The following DHRS3 variants were observed in gnomAD, a reference collection of about 807,000 sequenced individuals.
DHRS3 encodes the protein short-chain dehydrogenase/reductase 3.
In DHRS3, 14 loss-of-function variants were observed where a neutral mutation model predicts 27.2. That is an observed-to-expected ratio of 0.52 (90% CI 0.34 to 0.81). DHRS3 has a LOEUF of 0.81. Ranked by LOEUF, DHRS3 falls within the 30% of genes least tolerant of loss-of-function variation. The probability of loss-of-function intolerance (pLI) is 0.01; values close to 1 mark genes in which losing one functional copy is unlikely to be tolerated. For synonymous variants in DHRS3, 165 were observed against 175.9 expected (o/e 0.94, Z 0.49); for missense variants, 322 against 406.2 (o/e 0.79, Z 1.78).
In DHRS3 at chr1:12,593,155, C is replaced by T. The variant is rs1646760285; in HGVS notation, c.196-12489G>A. ...CCTGCTTATGACTACTGATGGCTGC[C>T]CATCTCACAGACTGGAATCTAGTGT... On this transcript the variant is annotated intron_variant, in intron 1 of 5. Coordinates refer to ENST00000616661, the MANE Select transcript of DHRS3 (RefSeq NM_004753.7). This position sits in a 1 kb window ranked among gnomAD's most constrained non-coding sequence, Gnocchi z 4.6. Among the ~76,000 whole-genome samples the T allele has an allele frequency of 6.6e-6, 1 of 152,176 alleles. No individual in the cohort carries two copies. The highest frequency in any genetic ancestry group is 2.1e-4 in the South Asian group (1 of 4,828).
At chr1:12,582,229 C>T (rs1646650707) in intron 1 of DHRS3, among the ~76,000 whole-genome samples, 1 of 152,188 alleles carries the variant, frequency 6.6e-6, no homozygotes, top group Non-Finnish European at 1.5e-5. Flanking sequence ...AATCTCAAGA[C>T]TGTCACTTAA....
intron 1 of DHRS3, among the ~76,000 whole-genome samples, chr1:12,607,555 T>A (rs557976339): frequency 3.3e-5 from 5 of 152,368 alleles, no homozygotes; most frequent in Admixed American, 1.3e-4. Context: ...TGATGGTAAG[T>A]TTCCTGAGGC....
At position 12,593,374 on chromosome 1, in the gene DHRS3, A is replaced by G. The variant is rs539520234; in HGVS notation, c.196-12708T>C. Among the ~76,000 whole-genome samples, 11 of 151,970 alleles carry G rather than the reference A, an allele frequency of 7.2e-5. No individual in the cohort carries two copies. Among genetic ancestry groups the G allele is most frequent in the African/African-American group, 2.7e-4 (11 of 41,422 alleles). ...TTCTTTTTAAAAAATTATTATGATT[A>G]TTATTATTTGTAGAGACGGGGGTAT... On this transcript the variant is annotated intron_variant, in intron 1 of 5. Transcript: ENST00000616661. This position sits in a 1 kb window ranked among gnomAD's most constrained non-coding sequence, Gnocchi z 4.6.
At chr1:12,616,702 G>C in intron 1 of DHRS3, 2 of 1,006,682 alleles carry the variant, frequency 2.0e-6, no homozygotes, top group Non-Finnish European at 2.4e-6. Context: ...AGCCGCCCAG[G>C]TTGGGGCTGG....
At chr1:12,582,679 C>G (rs955847661) in intron 1 of DHRS3, among the ~76,000 whole-genome samples, 4 of 152,076 alleles carry the variant, frequency 2.6e-5, no homozygotes, top group Non-Finnish European at 5.9e-5. Flanking sequence ...CCCCGCCTTG[C>G]CTTGCAGCCA....
intron 1 of DHRS3, among the ~76,000 whole-genome samples, chr1:12,598,419 T>A (rs541900351): frequency 2.0e-5 from 3 of 152,316 alleles, no homozygotes; most frequent in African/African-American, 7.2e-5. Flanking sequence ...GTACTCATCA[T>A]AATTAGCATT....
rs76150369 is a variant in DHRS3 at position 12,592,228 on chromosome 1, C to G, written c.196-11562G>C. Among the ~76,000 whole-genome samples the G allele has an allele frequency of 6.6e-6, 1 of 152,140 alleles. No homozygotes were observed. The highest frequency in any genetic ancestry group is 2.4e-5 in the African/African-American group (1 of 41,420). On this transcript the variant is annotated intron_variant, in intron 1 of 5. Transcript: ENST00000616661. The surrounding 1 kb of genome is among the most constrained non-coding windows in gnomAD (Gnocchi z 4.2). ...CTTAGACTGAATCCTCTCGGCTGCC[C>G]GGATGTGGTACAGTCGGCTGATTAG...
rs1646751023 is a variant in DHRS3 at position 12,592,033 on chromosome 1, G to T, written c.196-11367C>A. Among the ~76,000 whole-genome samples the T allele has an allele frequency of 6.6e-6, 1 of 152,210 alleles. No homozygotes were observed. Among genetic ancestry groups the T allele is most frequent in the Admixed American group, 6.5e-5 (1 of 15,282 alleles). ...CAGGTGAGGACAGAAGCTGTTCTGA[G>T]CATGGGTCAGCACAGTGCCCAGGGC... On this transcript the variant is annotated intron_variant, in intron 1 of 5. Transcript: ENST00000616661. This position sits in a 1 kb window ranked among gnomAD's most constrained non-coding sequence, Gnocchi z 4.2.
chr1:12,586,651 G>A lies in DHRS3; in HGVS notation c.196-5985C>T, dbSNP rs1646699254. On this transcript the variant is annotated intron_variant, in intron 1 of 5. Transcript: ENST00000616661. The surrounding 1 kb of genome is among the most constrained non-coding windows in gnomAD (Gnocchi z 5.0). The stretch of plus-strand genomic sequence containing the variant: ...TAAACAAGAAAACCTCATTTGCATC[G>A]GGGAATTGACAAGGTAGCCATATCA... Among the ~76,000 whole-genome samples, 1 of 152,172 alleles carries A rather than the reference G, an allele frequency of 6.6e-6. No homozygotes were observed. Among genetic ancestry groups the A allele is most frequent in the Non-Finnish European group, 1.5e-5 (1 of 68,040 alleles).
chr1:12,571,700 T>G (rs1009524288), intron 5 of DHRS3, among the ~76,000 whole-genome samples: 191 of 152,006 alleles, frequency 1.3e-3, no homozygotes, highest in Non-Finnish European at 5.2e-4. Context: ...CCAGCTAATT[T>G]TTTTTGTATT....
At chr1:12,607,779 C>T (rs974791085) in intron 1 of DHRS3, among the ~76,000 whole-genome samples, 8 of 152,100 alleles carry the variant, frequency 5.3e-5, no homozygotes, top group Non-Finnish European at 8.8e-5. Context: ...CTGGTATCAT[C>T]GCTTACAAAA....
intron 5 of DHRS3, among the ~76,000 whole-genome samples, chr1:12,568,700 C>G (rs979504701): frequency 6.6e-6 from 1 of 151,848 alleles, no homozygotes; most frequent in East Asian, 1.9e-4. Context: ...CCGAGATGGG[C>G]GGATCGCTTG....
At chr1:12,571,386 T>A (rs1646535137) in intron 5 of DHRS3, among the ~76,000 whole-genome samples, 1 of 152,168 alleles carries the variant, frequency 6.6e-6, no homozygotes. Context: ...GCCCTTGGCA[T>A]CAAGATCCCC....
chr1:12,610,917 A>T (rs918374485), intron 1 of DHRS3, among the ~76,000 whole-genome samples: 5 of 152,070 alleles, frequency 3.3e-5, no homozygotes, highest in African/African-American at 1.2e-4. Context: ...AGGGTGTGGG[A>T]CCCATCCCGC....
chr1:12,596,948 G>A (rs193031778), intron 1 of DHRS3, among the ~76,000 whole-genome samples: 11 of 152,160 alleles, frequency 7.2e-5, no homozygotes, highest in Admixed American at 4.6e-4. Flanking sequence ...GTGAGAAGCC[G>A]GGGTGACGAG....
At chr1:12,602,611 C>T (rs187474869) in intron 1 of DHRS3, among the ~76,000 whole-genome samples, 45 of 152,330 alleles carry the variant, frequency 3.0e-4, no homozygotes, top group African/African-American at 9.1e-4. Context: ...CCGCCCCCCA[C>T]CCCCAGGGCC....
At chr1:12,612,160 G>C (rs768928480) in intron 1 of DHRS3, among the ~76,000 whole-genome samples, 3 of 152,132 alleles carry the variant, frequency 2.0e-5, no homozygotes, top group Admixed American at 1.3e-4. Flanking sequence ...TCACAGGTAG[G>C]ACAGGTAGCC....
intron 1 of DHRS3, among the ~76,000 whole-genome samples, chr1:12,616,199 C>T (rs1281386279): frequency 6.6e-6 from 1 of 152,198 alleles, no homozygotes; most frequent in Non-Finnish European, 1.5e-5. Flanking sequence ...CCCCCTAGTT[C>T]ACAACAGTTT....
chr1:12,579,082 G>T, intron 3 of DHRS3, 126 bp from the exon 4 acceptor site: 2 of 1,230,016 alleles, frequency 1.6e-6, no homozygotes, highest in South Asian at 2.8e-5. Flanking sequence ...TCCTGCGAGG[G>T]AGAGGGCCGA....
Sources: allele counts gnomAD v4.1 joint callset (sites outside exome capture counted in the v4.1 genomes callset), GRCh38; gene constraint gnomAD v4.1.1; non-coding constraint Gnocchi (gnomAD v3.1); transcripts MANE v1.5; gene names NCBI Gene and HGNC (gene_info 2026-07-23, HGNC 2026-07-21).